Variants in MARVELD2 observed in about 807,000 individuals in gnomAD.
MARVELD2 encodes MARVEL domain-containing protein 2.
A neutral mutation model predicts 57.6 loss-of-function variants in MARVELD2; 49 were observed. That is an observed-to-expected ratio of 0.85 (90% CI 0.68 to 1.08). The LOEUF (loss-of-function observed/expected upper bound fraction) is 1.08. MARVELD2 is among the 50% of genes least tolerant of loss of function. MARVELD2 has a pLI of 0.00. For missense variants in MARVELD2, 606 were observed against 701.1 expected (o/e 0.86, Z 1.53); for synonymous variants, 238 against 258.8 (o/e 0.92, Z 0.77).
At chr5:69,427,237 A>AT (rs1270139055) in intron 3 of MARVELD2, among the ~76,000 whole-genome samples, 4 of 152,338 alleles carry the variant, frequency 2.6e-5, no homozygotes, top group African/African-American at 9.6e-5. Flanking sequence ...GGTTTATATT[A>AT]TAAGCTAGAA....
intron 5 of MARVELD2, chr5:69,433,642 G>C (rs1767045038): frequency 6.3e-6 from 1 of 158,498 alleles, no homozygotes; most frequent in African/African-American, 2.4e-5. Context: ...TGTATTTTTA[G>C]TAGAGATGGG....
chr5:69,424,678 A>G, intron 3 of MARVELD2, 42 bp downstream of exon 3: 1 of 1,457,518 alleles, frequency 6.9e-7, no homozygotes, highest in Non-Finnish European at 9.6e-7. Flanking sequence ...TAGATTTGTT[A>G]ATACTTTTCT....
At position 69,432,921 on chromosome 5, in the gene MARVELD2, G is replaced by A; in HGVS notation, c.1332-1G>A. The A allele has an allele frequency of 6.2e-7, 1 of 1,614,160 alleles. No individual in the cohort carries two copies. The highest frequency in any genetic ancestry group is 8.5e-7 in the Non-Finnish European group (1 of 1,180,032). Reference sequence around the variant, plus strand: ...ATCTTTGGCTTATGTTTTTCCCCTAGAAAATACCCTGTGATTCAGACAGAT... The same window carrying A: ...ATCTTTGGCTTATGTTTTTCCCCTAAAAAATACCCTGTGATTCAGACAGAT... On this transcript the variant is annotated splice_acceptor_variant, in intron 4 of 6. Transcript: ENST00000325631. LOFTEE classifies it high-confidence loss of function.
intron 2 of MARVELD2, among the ~76,000 whole-genome samples, chr5:69,421,358 T>C (rs1420582099): frequency 6.6e-6 from 1 of 152,216 alleles, no homozygotes; most frequent in African/African-American, 2.4e-5. Flanking sequence ...ATGTGTATAG[T>C]AGACTCTCCT....
intron 1 of MARVELD2, chr5:69,419,131 G>C: frequency 1.7e-6 from 1 of 574,396 alleles, no homozygotes; most frequent in Non-Finnish European, 3.1e-6. Flanking sequence ...TCACCATGTT[G>C]GTCAGGCTGG....
Position 69,432,667 on chromosome 5 carries a change from CTA to C in MARVELD2, c.1325_1326del (p.Tyr442CysfsTer11), listed in dbSNP as rs763587030. ...HIPKPIVMPDYVAKYPVIQTD... is the reference protein window; with the variant it reads ...HIPKPIVMPDXVAKYPVIQTD... Reference sequence around the variant, plus strand: ...TTCCTAAACCTATCGTGATGCCCGACTATGTGGCGTGAGTGTCAGTCTGAATT... The same window carrying C: ...TTCCTAAACCTATCGTGATGCCCGACTGTGGCGTGAGTGTCAGTCTGAATT... On this transcript the variant is annotated frameshift_variant, in exon 4 of 7. Transcript: ENST00000325631. LOFTEE classifies it high-confidence loss of function. 3.7e-6 allele frequency: 6 copies of C among 1,614,082 alleles called. No individual in the cohort carries two copies. The highest frequency in any genetic ancestry group is 5.1e-6 in the Non-Finnish European group (6 of 1,179,978).
At chr5:69,424,889 G>A (rs888783471) in intron 3 of MARVELD2, among the ~76,000 whole-genome samples, 1 of 152,054 alleles carries the variant, frequency 6.6e-6, no homozygotes, top group African/African-American at 2.4e-5. Context: ...CCTGCACGTG[G>A]TGGCACACGC....
At chr5:69,436,381 A>C (rs1048421627) in intron 5 of MARVELD2, among the ~76,000 whole-genome samples, 5 of 148,572 alleles carry the variant, frequency 3.4e-5, no homozygotes, top group Non-Finnish European at 7.4e-5. Flanking sequence ...AAAAAAACTA[A>C]ATGTCAAATT....
chr5:69,441,464 A>G, intron 6 of MARVELD2, 68 bp from the exon 7 acceptor site: 1 of 1,576,310 alleles, frequency 6.3e-7, no homozygotes, highest in Non-Finnish European at 8.7e-7. Context: ...CCTGGGTGAC[A>G]ATGTATGTTT....
Position 69,441,900 on chromosome 5 carries a change from G to T in MARVELD2, c.*246G>T. 3.5e-6 allele frequency: 1 copy of T among 287,020 alleles called. No individual in the cohort carries two copies. 17.8% of individuals were successfully genotyped at this position (287,020 alleles called of 1,614,324 possible). A position where few individuals can be genotyped will look rare whatever the true frequency, so the allele number is the denominator to read the frequency against. ...AGACGAGGTTTCACCATGTTGGTCAGGCTGGGAAACTACTTTTTTTAAAAA... is the reference window on the plus strand; with the variant it reads ...AGACGAGGTTTCACCATGTTGGTCATGCTGGGAAACTACTTTTTTTAAAAA... On this transcript the variant is annotated 3_prime_UTR_variant, in exon 7 of 7. Transcript: ENST00000325631.
chr5:69,438,609 G>A (rs887454241), intron 5 of MARVELD2, among the ~76,000 whole-genome samples: 2 of 151,988 alleles, frequency 1.3e-5, no homozygotes, highest in Non-Finnish European at 2.9e-5. Context: ...GTTAGCGGCC[G>A]GTCATGGTGG....
chr5:69,436,673 T>C (rs1391680988), intron 5 of MARVELD2, among the ~76,000 whole-genome samples: 2 of 152,128 alleles, frequency 1.3e-5, no homozygotes, highest in East Asian at 3.8e-4. Context: ...TGAATGTCAG[T>C]ACCATTTGGA....
rs772075392 is a variant in MARVELD2, at chr5:69,419,715, C to T, written c.330C>T (p.Ser110=). The change falls in exon 2 of 7, where the codon TCC becomes TCT. Residue 110 remains serine (S), a synonymous_variant. Coordinates refer to ENST00000325631, the MANE Select transcript of MARVELD2 (RefSeq NM_001038603.3). Reference sequence around the variant, plus strand: ...CGGTGTCTGATATCAGGTACATCTCCGATGGAGTGGAGTGTTCACCACCAG... The same window carrying T: ...CGGTGTCTGATATCAGGTACATCTCTGATGGAGTGGAGTGTTCACCACCAG... ...DKPVSDIRYI[S]DGVECSPPAS... The T allele has an allele frequency of 1.2e-5, 19 of 1,614,114 alleles. No individual in the cohort carries two copies. The East Asian group carries it at 1.8e-4, about 15-fold the overall frequency.
intron 3 of MARVELD2, among the ~76,000 whole-genome samples, chr5:69,432,061 A>T (rs1214500077): frequency 6.6e-6 from 1 of 151,558 alleles, no homozygotes; most frequent in East Asian, 1.9e-4. Context: ...CCCAAGCTGG[A>T]GTGCAGTGGT....
At chr5:69,435,865 G>GATTTGC (rs1229686593) in intron 5 of MARVELD2, among the ~76,000 whole-genome samples, 1 of 151,806 alleles carries the variant, frequency 6.6e-6, no homozygotes, top group Non-Finnish European at 1.5e-5. Flanking sequence ...TGTCCGAATG[G>GATTTGC]ATTTGCCTAG....
Position 69,441,838 on chromosome 5 carries a change from C to T in MARVELD2, c.*184C>T, listed in dbSNP as rs886060736. 24 of 438,004 alleles carry T rather than the reference C, an allele frequency of 5.5e-5. No homozygotes were observed. The highest frequency in any genetic ancestry group is 4.6e-4 in the South Asian group (17 of 37,164). The allele number at this position is 438,004 out of a possible 1,614,324, so 27.1% of individuals were successfully genotyped here. On this transcript the variant is annotated 3_prime_UTR_variant, in exon 7 of 7. Transcript: ENST00000325631. ...CCCAGTAGCTGGGATTACAGGCGTG[C>T]GCTGCCACACCCCGCTAATTTTTGT...
At chr5:69,429,226 A>C (rs1251048889) in intron 3 of MARVELD2, among the ~76,000 whole-genome samples, 3 of 152,114 alleles carry the variant, frequency 2.0e-5, no homozygotes, top group Non-Finnish European at 1.5e-5. Flanking sequence ...GCTGGTTAGC[A>C]GCCTCCACAC....
chr5:69,438,888 A>G (rs1767238643), intron 5 of MARVELD2, among the ~76,000 whole-genome samples: 1 of 151,298 alleles, frequency 6.6e-6, no homozygotes, highest in Non-Finnish European at 1.5e-5. Flanking sequence ...CTCCATCTCA[A>G]AAATAAAAAA....
intron 1 of MARVELD2, 94 bp from the exon 2 acceptor site, chr5:69,419,277 C>T: frequency 1.7e-6 from 2 of 1,198,488 alleles, no homozygotes; most frequent in Non-Finnish European, 1.2e-6. Flanking sequence ...TCCTGTTGGT[C>T]TCCTAAATAC....
Sources: allele counts gnomAD v4.1 joint callset (sites outside exome capture counted in the v4.1 genomes callset), GRCh38; gene constraint gnomAD v4.1.1; transcripts MANE v1.5; gene names NCBI Gene and HGNC (gene_info 2026-07-23, HGNC 2026-07-21).